Variants in KDELR3 observed in about 807,000 individuals in gnomAD.
The protein encoded by KDELR3 is ER lumen protein-retaining receptor 3.
KDELR3 carries 26 observed loss-of-function variants against 22.7 expected under a neutral mutation model. That is an observed-to-expected ratio of 1.15 (90% CI 0.84 to 1.59). KDELR3 has a LOEUF of 1.59. KDELR3 is among the 40% of genes most tolerant of loss of function. The pLI is 0.00. For synonymous variants in KDELR3, 120 were observed against 98.2 expected, an observed-to-expected ratio of 1.22 and a Z score of -1.31; for missense variants, 289 against 251.1, an observed-to-expected ratio of 1.15 and a Z score of -1.02.
At chr22:38,479,507 C>A in intron 2 of KDELR3, 86 bp from the exon 3 acceptor site, 3 of 1,265,876 alleles carry the variant, frequency 2.4e-6, no homozygotes, top group Non-Finnish European at 3.4e-6. Flanking sequence ...GAACACTGAC[C>A]CTTAGGTTTG....
chr22:38,479,740 A>G lies in KDELR3; in HGVS notation c.340A>G (p.Thr114Ala). ...GLSFLENYSF[T>A]LLEILWTFSI... Reference sequence around the variant, plus strand: ...TTCCTTCCTTGAAAACTACAGTTTCACTCTGCTGGAGGTAAGGGAATGGAC... The same window carrying G: ...TTCCTTCCTTGAAAACTACAGTTTCGCTCTGCTGGAGGTAAGGGAATGGAC... The change falls in exon 3 of 5, where the codon ACT becomes GCT. Residue 114 changes from threonine (T) to alanine (A), a missense_variant. Transcript: ENST00000216014. The G allele has an allele frequency of 6.2e-7, 1 of 1,613,914 alleles. No homozygotes were observed. Among genetic ancestry groups the G allele is most frequent in the Non-Finnish European group, 8.5e-7 (1 of 1,179,982 alleles).
intron 1 of KDELR3, among the ~76,000 whole-genome samples, chr22:38,472,174 C>T (rs2089529339): frequency 6.6e-6 from 1 of 151,940 alleles, no homozygotes. Context: ...ACTGTTTCTT[C>T]CATCTGATAA....
intron 1 of KDELR3, among the ~76,000 whole-genome samples, chr22:38,469,033 C>T (rs1394979684): frequency 6.6e-6 from 1 of 152,262 alleles, no homozygotes; most frequent in Admixed American, 6.5e-5. Flanking sequence ...CCTCCCTGTG[C>T]CTGGCACTGG....
At chr22:38,481,571 C>G (rs1214778486) in intron 4 of KDELR3, 107 bp downstream of exon 4, 31 of 1,559,922 alleles carry the variant, frequency 2.0e-5, no homozygotes, top group Non-Finnish European at 2.6e-5. Context: ...CTCTGCCATC[C>G]ACAATGCTTG....
chr22:38,468,961 A>G (rs1036857839), intron 1 of KDELR3, among the ~76,000 whole-genome samples: 1 of 152,200 alleles, frequency 6.6e-6, no homozygotes. Context: ...ACAGATCCAG[A>G]GCCACGAAAG....
chr22:38,479,611 G>A lies in KDELR3; in HGVS notation c.211G>A (p.Ala71Thr). 2.5e-6 allele frequency: 4 copies of A among 1,613,764 alleles called. No individual in the cohort carries two copies. Among genetic ancestry groups the A allele is most frequent in the Non-Finnish European group, 3.4e-6 (4 of 1,179,706 alleles). The change falls in exon 3 of 5, where the codon GCC (alanine) becomes ACC (threonine). Residue 71 changes from alanine to threonine, a missense_variant. Coordinates refer to ENST00000216014, the MANE Select transcript of KDELR3 (RefSeq NM_006855.4). Reference protein sequence around the residue: ...TVMKVVFLLCAYVTVYMIYGK... With the variant: ...TVMKVVFLLCTYVTVYMIYGK... The stretch of plus-strand genomic sequence containing the variant: ...CTTTTAGGTGGTTTTTCTCCTCTGT[G>A]CCTATGTTACAGTGTACATGATATA...
At chr22:38,482,351 C>A (rs891608715) in intron 4 of KDELR3, 145 bp from the exon 5 acceptor site, 9 of 679,562 alleles carry the variant, frequency 1.3e-5, no homozygotes, top group African/African-American at 1.1e-4. Context: ...CATAGTCAAC[C>A]GGAGATGGAC....
In KDELR3 at chr22:38,481,230, A is replaced by T. The variant is rs754884067; in HGVS notation, c.370A>T (p.Ile124Phe). 6.8e-6 allele frequency: 11 copies of T among 1,613,240 alleles called. No individual in the cohort carries two copies. The East Asian group carries it at 2.0e-4, about 29-fold the overall frequency. ...GGCTCAGATCCTCTGGACTTTCTCT[A>T]TCTATCTGGAATCAGTGGCTATCCT... ...TLLEILWTFS[I>F]YLESVAILPQ... Residue 124 changes from isoleucine (I) to phenylalanine (F), a missense_variant, in exon 4 of 5, where the codon ATC (isoleucine) becomes TTC (phenylalanine). Transcript: ENST00000216014.
At chr22:38,478,662 GAC>G (rs1200394086) in intron 2 of KDELR3, among the ~76,000 whole-genome samples, 1 of 1,816 alleles carries the variant, frequency 5.5e-4, no homozygotes, top group Non-Finnish European at 1.1e-3. Context: ...TTTTTTTTGA[GAC>G]AGAGTCTCAC....
intron 2 of KDELR3, among the ~76,000 whole-genome samples, chr22:38,476,483 G>T (rs2089559022): frequency 6.6e-6 from 1 of 152,234 alleles, no homozygotes; most frequent in South Asian, 2.1e-4. Context: ...CTCCCGAAGT[G>T]CTGGGATTAC....
intron 1 of KDELR3, among the ~76,000 whole-genome samples, chr22:38,472,953 G>A (rs898856043): frequency 3.3e-5 from 5 of 152,012 alleles, no homozygotes; most frequent in Admixed American, 2.0e-4. Flanking sequence ...TGCCCGCCTC[G>A]GCCTCCCAAA....
intron 2 of KDELR3, among the ~76,000 whole-genome samples, chr22:38,479,052 G>T (rs930049342): frequency 6.6e-6 from 1 of 152,048 alleles, no homozygotes; most frequent in Non-Finnish European, 1.5e-5. Flanking sequence ...GTGATTAGGA[G>T]AGCTTTTCTG....
intron 1 of KDELR3, among the ~76,000 whole-genome samples, chr22:38,471,982 A>T (rs1243441748): frequency 6.6e-6 from 1 of 150,690 alleles, no homozygotes; most frequent in Non-Finnish European, 1.5e-5. Flanking sequence ...AGAAAAAAAA[A>T]TGTTCTCCCA....
chr22:38,469,584 T>C (rs1458721361), intron 1 of KDELR3, among the ~76,000 whole-genome samples: 1 of 150,842 alleles, frequency 6.6e-6, no homozygotes, highest in Non-Finnish European at 1.5e-5. Context: ...AGGTTCTTCC[T>C]CAGGGGAGGT....
chr22:38,480,637 C>T (rs2089593090), intron 3 of KDELR3, among the ~76,000 whole-genome samples: 1 of 151,940 alleles, frequency 6.6e-6, no homozygotes. Flanking sequence ...CCTGTAGTCT[C>T]AGCTACTCGG....
chr22:38,482,509 G>T lies in KDELR3; in HGVS notation c.618G>T (p.Lys206Asn). 6.2e-7 allele frequency: 1 copy of T among 1,612,940 alleles called. No homozygotes were observed. The highest frequency in any genetic ancestry group is 1.1e-5 in the South Asian group (1 of 91,056). Residue 206 changes from lysine to asparagine, a missense_variant, in exon 5 of 5, where the codon AAG becomes AAT. Coordinates refer to ENST00000216014, the MANE Select transcript of KDELR3 (RefSeq NM_006855.4). Reference sequence around the variant, plus strand: ...ATTTTCTTCCAGTCCTTAAGGGAAAGAAGTTAAGTCTTCCAATGCCAATCT... The same window carrying T: ...ATTTTCTTCCAGTCCTTAAGGGAAATAAGTTAAGTCTTCCAATGCCAATCT... Reference protein sequence around the residue: ...YLYVTKVLKGKKLSLPMPI With the variant: ...YLYVTKVLKGNKLSLPMPI
rs769155057 is a variant in KDELR3 at position 38,481,469 on chromosome 22, G to T, written c.604+5G>T. The T allele has an allele frequency of 6.2e-7, 1 of 1,614,020 alleles. No homozygotes were observed. The highest frequency in any genetic ancestry group is 2.2e-5 in the East Asian group (1 of 44,902). ...TCTACTTGTATGTGACCAAAGGTAGGTCCTGGGATGACAGCAATGCTGACA... is the reference window on the plus strand; with the variant it reads ...TCTACTTGTATGTGACCAAAGGTAGTTCCTGGGATGACAGCAATGCTGACA... On this transcript the variant is annotated splice_donor_5th_base_variant and intron_variant, in intron 4 of 4. Transcript: ENST00000216014.
chr22:38,481,804 T>A (rs551517006), intron 4 of KDELR3, among the ~76,000 whole-genome samples: 1 of 152,286 alleles, frequency 6.6e-6, no homozygotes. Context: ...TCTATAAACC[T>A]GGAGATGAGT....
intron 1 of KDELR3, among the ~76,000 whole-genome samples, chr22:38,470,858 G>C (rs571922664): frequency 6.6e-6 from 1 of 152,012 alleles, no homozygotes; most frequent in African/African-American, 2.4e-5. Context: ...CAAGATCACC[G>C]GGGGGCTGGG....
Sources: gnomAD v4.1 joint callset for allele counts (sites outside exome capture counted in the v4.1 genomes callset) on GRCh38, gnomAD v4.1.1 for gene constraint, MANE v1.5 for transcripts, NCBI Gene and HGNC (gene_info 2026-07-23, HGNC 2026-07-21) for gene names.